Variants in CREBBP observed in about 807,000 individuals in gnomAD.
CREBBP encodes CREB-binding protein.
A neutral mutation model predicts 265.0 loss-of-function variants in CREBBP; 19 were observed. That is an observed-to-expected ratio of 0.07 (90% CI 0.05 to 0.11). The LOEUF is 0.11. Ranked by LOEUF, CREBBP falls within the 10% of genes least tolerant of loss-of-function variation. The pLI is 1.00. For missense variants in CREBBP, 2,525 were observed against 3,219.0 expected, an observed-to-expected ratio of 0.78 and a Z score of 5.22; for synonymous variants, 1,457 against 1,223.7, an observed-to-expected ratio of 1.19 and a Z score of -3.98.
Position 3,845,757 on chromosome 16 carries a change from C to T in CREBBP, c.798+4540G>A, listed in dbSNP as rs577579340. Among the ~76,000 whole-genome samples the T allele has an allele frequency of 6.1e-4, 92 of 151,938 alleles. 1 individual carries two copies. Among genetic ancestry groups the T allele is most frequent in the African/African-American group, 1.7e-3 (72 of 41,430 alleles). ...CAAAAATTAGTCAGTTGTGGTGATG[C>T]GCGCCTGTAGTCCCAGCTACTGGGG... On this transcript the variant is annotated intron_variant, in intron 2 of 30. Transcript: ENST00000262367.
intron 2 of CREBBP, among the ~76,000 whole-genome samples, chr16:3,821,171 T>C (rs1335002894): frequency 2.0e-5 from 3 of 152,248 alleles, no homozygotes; most frequent in Non-Finnish European, 2.9e-5. Context: ...CATTAGGTGA[T>C]CTTTAAAGTT....
chr16:3,777,570 G>T, intron 11 of CREBBP, 43 bp downstream of exon 11: 4 of 1,594,766 alleles, frequency 2.5e-6, no homozygotes, highest in Non-Finnish European at 3.4e-6. Flanking sequence ...TATGGCTGTT[G>T]AATGTAAAAC....
At chr16:3,736,252 C>T in intron 27 of CREBBP, 49 bp from the exon 28 acceptor site, 1 of 1,589,784 alleles carries the variant, frequency 6.3e-7, no homozygotes, top group South Asian at 1.1e-5. Flanking sequence ...CACGCGTGCC[C>T]CCCACCATGG....
rs1478665870 is a variant in CREBBP, at chr16:3,757,828, C to T, written c.3590G>A (p.Gly1197Glu). The T allele has an allele frequency of 6.2e-7, 1 of 1,614,046 alleles. No individual in the cohort carries two copies. The highest frequency in any genetic ancestry group is 8.5e-7 in the Non-Finnish European group (1 of 1,180,054). ...QEIDPVMQSL[G>E]YCCGRKYEFS... is the part of the protein sequence containing the mutation. ...CTGTACCTTGCGTCCACAGCAATAT[C>T]CAAGGGACTGCATGACAGGGTCAAT... Residue 1197 changes from glycine (G) to glutamate (E), a missense_variant, in exon 18 of 31, where the codon GGA (glycine) becomes GAA (glutamate). Physicochemically the swap from Gly to Glu is moderately conservative, Grantham distance 98. This residue lies in a region of CREBBP where 252 missense variants were observed against 452.5 expected (regional missense o/e 0.56). Transcript: ENST00000262367.
chr16:3,872,619 C>T (rs148763802), intron 1 of CREBBP, among the ~76,000 whole-genome samples: 31 of 152,310 alleles, frequency 2.0e-4, no homozygotes, highest in African/African-American at 6.7e-4. Flanking sequence ...GAAAAGACCT[C>T]AGAGAGGACT....
chr16:3,810,742 G>A lies in CREBBP; in HGVS notation c.836C>T (p.Pro279Leu), dbSNP rs989859922. The A allele has an allele frequency of 6.2e-7, 1 of 1,613,740 alleles. No homozygotes were observed. The highest frequency in any genetic ancestry group is 1.7e-5 in the Admixed American group (1 of 59,978). ...TGGCTGCCCTCCAGCTTGACTAAAG[G>A]GCTGTCCAAATGGACTTGTGTTCCC... is the stretch of plus-strand genomic sequence containing the variant. ...ITGNTSPFGQPFSQAGGQPMG... is the reference protein window; with the variant it reads ...ITGNTSPFGQLFSQAGGQPMG... Residue 279 changes from proline to leucine, a missense_variant, in exon 3 of 31, where the codon CCC becomes CTC. By Grantham distance (98) the Pro-to-Leu change is moderately conservative. Coordinates refer to ENST00000262367, the MANE Select transcript of CREBBP (RefSeq NM_004380.3).
Position 3,762,589 on chromosome 16 carries a change from C to T in CREBBP, c.3251-3617G>A, listed in dbSNP as rs1006951175. Among the ~76,000 whole-genome samples, 7 of 152,224 alleles carry T rather than the reference C, an allele frequency of 4.6e-5. No homozygotes were observed. The South Asian group carries it at 1.2e-3, about 27-fold the overall frequency. On this transcript the variant is annotated intron_variant, in intron 16 of 30. Coordinates refer to ENST00000262367, the MANE Select transcript of CREBBP (RefSeq NM_004380.3). ...ATGTGAACTGCGCCGCTCCCCTCCT[C>T]TGGCCCGAGGACCTGCTCCACGCGG...
intron 8 of CREBBP, among the ~76,000 whole-genome samples, 199 bp downstream of exon 8, chr16:3,780,533 T>A (rs531938539): frequency 6.6e-6 from 1 of 152,188 alleles, no homozygotes; most frequent in Non-Finnish European, 1.5e-5. Flanking sequence ...ATGCTCTCTT[T>A]GTCACCCCCG....
chr16:3,779,414 T>C (rs1036050262), intron 8 of CREBBP, among the ~76,000 whole-genome samples: 4 of 152,070 alleles, frequency 2.6e-5, no homozygotes, highest in African/African-American at 9.7e-5. Context: ...GCTCACATAA[T>C]CCTCCCACCT....
At chr16:3,878,118 C>T (rs569638892) in intron 1 of CREBBP, among the ~76,000 whole-genome samples, 1 of 152,324 alleles carries the variant, frequency 6.6e-6, no homozygotes, top group Non-Finnish European at 1.5e-5. Context: ...ACAAAATCTA[C>T]AACAAATTCA....
intron 2 of CREBBP, among the ~76,000 whole-genome samples, chr16:3,829,541 G>C (rs2054301250): frequency 6.6e-6 from 1 of 152,150 alleles, no homozygotes; most frequent in South Asian, 2.1e-4. Context: ...TAGAAGTTCT[G>C]ATCAGTCGGA....
chr16:3,843,301 T>C (rs1424654179), intron 2 of CREBBP, among the ~76,000 whole-genome samples: 3 of 152,132 alleles, frequency 2.0e-5, no homozygotes, highest in Non-Finnish European at 4.4e-5. Flanking sequence ...AAGTATCTTT[T>C]AGTTTTTCTC....
intron 1 of CREBBP, among the ~76,000 whole-genome samples, chr16:3,867,669 A>G (rs984312494): frequency 6.6e-6 from 1 of 151,316 alleles, no homozygotes; most frequent in Non-Finnish European, 1.5e-5. Flanking sequence ...TGTAATCCCT[A>G]AACTTTGGGA....
chr16:3,813,033 A>G (rs2053967785), intron 2 of CREBBP: 1 of 226,362 alleles, frequency 4.4e-6, no homozygotes, highest in South Asian at 1.8e-4. Flanking sequence ...GTCTTGAACA[A>G]GATGGATCGT....
chr16:3,839,019 T>G (rs775219140), intron 2 of CREBBP, among the ~76,000 whole-genome samples: 2 of 152,248 alleles, frequency 1.3e-5, no homozygotes, highest in Non-Finnish European at 2.9e-5. Flanking sequence ...ATACTAAGAA[T>G]GTTACATACA....
At position 3,793,610 on chromosome 16, in the gene CREBBP, G is replaced by A. The variant is rs1212843258; in HGVS notation, c.992C>T (p.Ser331Leu). The change falls in exon 4 of 31, where the codon TCA becomes TTA. Residue 331 changes from serine (S) to leucine (L), a missense_variant. This residue lies in a region of CREBBP where 126 missense variants were observed against 171.9 expected (regional missense o/e 0.73). Transcript: ENST00000262367. ...NVPNMSQMQT[S>L]VGIVPTQAIA... The stretch of plus-strand genomic sequence containing the variant: ...TGCTTGTGTGGGTACAATTCCCACT[G>A]ATGTTTGCATCTGAGACTAAAATAA... The A allele has an allele frequency of 1.9e-6, 3 of 1,613,254 alleles. No homozygotes were observed. Among genetic ancestry groups the A allele is most frequent in the Non-Finnish European group, 2.5e-6 (3 of 1,180,004 alleles).
chr16:3,818,667 G>C (rs2054085953), intron 2 of CREBBP, among the ~76,000 whole-genome samples: 1 of 152,118 alleles, frequency 6.6e-6, no homozygotes. Flanking sequence ...TTTTGCAGCA[G>C]CTGACTACTT....
At chr16:3,857,586 CG>C (rs145911106) in intron 1 of CREBBP, among the ~76,000 whole-genome samples, 1,984 of 152,270 alleles carry the variant, frequency 0.013, 50 homozygotes, top group African/African-American at 0.046. Flanking sequence ...TCTGTATCAT[CG>C]GAAGTTCCTA....
intron 3 of CREBBP, among the ~76,000 whole-genome samples, chr16:3,807,066 C>A (rs1419163883): frequency 2.0e-5 from 3 of 152,222 alleles, no homozygotes; most frequent in Admixed American, 2.0e-4. Context: ...GCCACTACAC[C>A]TTCCATTTCA....
Sources: allele counts gnomAD v4.1 joint callset (sites outside exome capture counted in the v4.1 genomes callset), GRCh38; gene constraint gnomAD v4.1.1; regional missense constraint gnomAD v4.1.1; transcripts MANE v1.5; gene names NCBI Gene and HGNC (gene_info 2026-07-23, HGNC 2026-07-21).